NRG3: variants seen among roughly 807,000 people sequenced by gnomAD.
The protein encoded by NRG3 is pro-neuregulin-3, membrane-bound isoform.
In NRG3, 31 loss-of-function variants were observed where a neutral mutation model predicts 66.9. The observed-to-expected ratio is 0.46, with a 90% CI of 0.35 to 0.63. The LOEUF (loss-of-function observed/expected upper bound fraction) is 0.63, where lower values mean the gene tolerates loss of function less well. Ranked by LOEUF, NRG3 falls within the 20% of genes least tolerant of loss-of-function variation. The pLI, the probability that NRG3 is intolerant of heterozygous loss-of-function variation, is 0.00. For synonymous variants in NRG3, 393 were observed against 359.4 expected, an observed-to-expected ratio of 1.09 and a Z score of -1.06; for missense variants, 910 against 878.9, an observed-to-expected ratio of 1.04 and a Z score of -0.45.
At chr10:82,866,666 G>A (rs1840773706) in intron 4 of NRG3, among the ~76,000 whole-genome samples, 1 of 152,150 alleles carries the variant, frequency 6.6e-6, no homozygotes, top group South Asian at 2.1e-4. Context: ...TGAGATAGTT[G>A]TAGAAGGAAG....
rs181888089 is a variant in NRG3 at position 81,973,503 on chromosome 10, G to A, written c.823+97340G>A. Among the ~76,000 whole-genome samples the A allele has an allele frequency of 2.4e-4, 37 of 152,252 alleles. No homozygotes were observed. The East Asian group carries it at 6.6e-3, about 27-fold the overall frequency. On this transcript the variant is annotated intron_variant, in intron 1 of 8. Transcript: ENST00000372141. ...CGCCACAGTGTCTTCCACAATGGCT[G>A]AACTAATTTACACTCCTACCAACAG...
intron 2 of NRG3, among the ~76,000 whole-genome samples, chr10:82,445,469 G>C (rs1350675446): frequency 1.3e-5 from 2 of 152,182 alleles, no homozygotes; most frequent in African/African-American, 4.8e-5. Context: ...TTCATCTAGA[G>C]AAGGATGTAA....
intron 3 of NRG3, among the ~76,000 whole-genome samples, chr10:82,782,383 C>T (rs1040408823): frequency 6.6e-6 from 1 of 152,072 alleles, no homozygotes; most frequent in Non-Finnish European, 1.5e-5. Context: ...AAGGGCCTCA[C>T]CAGATGCAGG....
rs188672312 is a variant in NRG3 at position 82,728,592 on chromosome 10, G to C, written c.954-9985G>C. On this transcript the variant is annotated intron_variant, in intron 2 of 8. Coordinates refer to ENST00000372141, the MANE Select transcript of NRG3 (RefSeq NM_001010848.4). ...TTCTTTTGTAAATTTCCCAGTCTTG[G>C]GTATGTCTTTATCAGCAGGGTGAAA... 1.8e-4 allele frequency among the ~76,000 whole-genome samples: 27 copies of C among 152,124 alleles called. No homozygotes were observed. In the East Asian group the frequency reaches 5.2e-3, roughly 29 times the overall value.
intron 2 of NRG3, among the ~76,000 whole-genome samples, chr10:82,601,180 C>T (rs1235185827): frequency 5.9e-5 from 9 of 152,144 alleles, no homozygotes; most frequent in Non-Finnish European, 1.0e-4. Flanking sequence ...ACATTGTTTT[C>T]ATTCAACCCA....
At chr10:82,094,194 A>C (rs2066200642) in intron 1 of NRG3, among the ~76,000 whole-genome samples, 1 of 152,206 alleles carries the variant, frequency 6.6e-6, no homozygotes, top group Non-Finnish European at 1.5e-5. Flanking sequence ...TGAAATTAGA[A>C]GTATATTATC....
chr10:82,408,013 C>T (rs1486871917), intron 2 of NRG3, among the ~76,000 whole-genome samples: 1 of 146,998 alleles, frequency 6.8e-6, no homozygotes, highest in African/African-American at 2.5e-5. Context: ...CACACCACTG[C>T]ACTCCAGCCT....
rs116409159 is a variant in NRG3, at chr10:82,282,984, T to G, written c.824-75755T>G. On this transcript the variant is annotated intron_variant, in intron 1 of 8. Coordinates refer to ENST00000372141, the MANE Select transcript of NRG3 (RefSeq NM_001010848.4). The stretch of plus-strand genomic sequence containing the variant: ...CTTGGGCTGATGACTCATCCCAATC[T>G]CTTTGGTTTCCAAACGTTCACTAAT... 3.3e-3 allele frequency among the ~76,000 whole-genome samples: 505 copies of G among 152,254 alleles called. 6 individuals carry two copies. Among genetic ancestry groups the G allele is most frequent in the African/African-American group, 0.012 (493 of 41,548 alleles).
intron 5 of NRG3, among the ~76,000 whole-genome samples, chr10:82,957,057 G>A (rs1045691313): frequency 1.3e-5 from 2 of 152,024 alleles, no homozygotes; most frequent in Admixed American, 6.5e-5. Context: ...AATTGCTTGG[G>A]AAGATGCAAC....
At chr10:82,836,352 A>G (rs1014305932) in intron 3 of NRG3, among the ~76,000 whole-genome samples, 1 of 152,236 alleles carries the variant, frequency 6.6e-6, no homozygotes, top group Non-Finnish European at 1.5e-5. Context: ...GATAGTTTAC[A>G]GATGTCTTCA....
chr10:82,124,769 T>C (rs1352711671), intron 1 of NRG3, among the ~76,000 whole-genome samples: 3 of 151,286 alleles, frequency 2.0e-5, no homozygotes, highest in African/African-American at 7.3e-5. Flanking sequence ...ATGCCAAATA[T>C]ATGTTTTCTA....
rs10710319 is a variant in NRG3 at position 82,290,638 on chromosome 10, A to AT, written c.824-68087dup. On this transcript the variant is annotated intron_variant, in intron 1 of 8. Coordinates refer to ENST00000372141, the MANE Select transcript of NRG3 (RefSeq NM_001010848.4). ...TAGCAGTGCTCAATGACTTCAAATG[A>AT]TTTTTTTTTTTTTTGAGATGGAGTC... Among the ~76,000 whole-genome samples the AT allele has an allele frequency of 6.8e-4, 98 of 145,040 alleles. 1 individual carries two copies. Among genetic ancestry groups the AT allele is most frequent in the Admixed American group, 9.6e-4 (14 of 14,586 alleles).
chr10:82,139,927 A>G (rs1202001590), intron 1 of NRG3, among the ~76,000 whole-genome samples: 3 of 151,988 alleles, frequency 2.0e-5, no homozygotes, highest in African/African-American at 4.8e-5. Flanking sequence ...TAGTCTCTGA[A>G]TATTTTCTAT....
intron 1 of NRG3, among the ~76,000 whole-genome samples, chr10:82,188,371 C>T (rs75876956): frequency 0.031 from 4,754 of 152,126 alleles, 227 homozygotes; most frequent in East Asian, 0.14. Flanking sequence ...GAAAGCATTG[C>T]GGAAAATATC....
At chr10:82,114,606 C>T (rs577460491) in intron 1 of NRG3, among the ~76,000 whole-genome samples, 25 of 152,188 alleles carry the variant, frequency 1.6e-4, no homozygotes, top group African/African-American at 5.8e-4. Context: ...AAGCATAAAC[C>T]TTCTCAAGCT....
At chr10:82,635,844 C>T (rs1335154279) in intron 2 of NRG3, among the ~76,000 whole-genome samples, 1 of 152,042 alleles carries the variant, frequency 6.6e-6, no homozygotes, top group Non-Finnish European at 1.5e-5. Context: ...CTGCAGTGGA[C>T]TAGGCTTGGG....
chr10:82,270,456 A>G (rs1204883633), intron 1 of NRG3, among the ~76,000 whole-genome samples: 1 of 152,112 alleles, frequency 6.6e-6, no homozygotes, highest in Non-Finnish European at 1.5e-5. Flanking sequence ...TGGGCTGTCT[A>G]TGCATTTCCT....
chr10:82,580,367 C>T (rs940234936), intron 2 of NRG3, among the ~76,000 whole-genome samples: 1 of 151,996 alleles, frequency 6.6e-6, no homozygotes, highest in Admixed American at 6.6e-5. Context: ...CTATTATTAA[C>T]ACTTTTTACA....
intron 1 of NRG3, among the ~76,000 whole-genome samples, chr10:82,021,651 A>G (rs2062064879): frequency 6.6e-6 from 1 of 152,072 alleles, no homozygotes; most frequent in African/African-American, 2.4e-5. Flanking sequence ...GATCCTCAAG[A>G]ATTTTGCTTC....
Sources: allele counts gnomAD v4.1 joint callset (sites outside exome capture counted in the v4.1 genomes callset), GRCh38; gene constraint gnomAD v4.1.1; transcripts MANE v1.5; gene names NCBI Gene and HGNC (gene_info 2026-07-23, HGNC 2026-07-21).